Variants in HS1BP3 observed in about 807,000 individuals in gnomAD.
HS1BP3 encodes the protein HCLS1 binding protein 3, also known as HCLS1-binding protein 3.
HS1BP3 carries 32 observed loss-of-function variants against 33.5 expected under a neutral mutation model. That is an observed-to-expected ratio of 0.95 (90% CI 0.72 to 1.28). HS1BP3 has a LOEUF of 1.28. Ranked by LOEUF, HS1BP3 falls within the 50% of genes most tolerant of loss-of-function variation. HS1BP3 has a pLI of 0.00. For synonymous variants in HS1BP3, 187 were observed against 209.2 expected, an observed-to-expected ratio of 0.89 and a Z score of 0.92; for missense variants, 486 against 502.3, an observed-to-expected ratio of 0.97 and a Z score of 0.31.
At chr2:20,554,875 C>T in the HS1BP3 span, among the ~76,000 whole-genome samples, 4 of 152,146 alleles carry the variant, frequency 2.6e-5, no homozygotes, top group Non-Finnish European at 5.9e-5. Flanking sequence ...CATCCACCCC[C>T]TACTTAAAAC....
At chr2:20,609,826 G>C (rs1187937348) in intron 2 of HS1BP3, among the ~76,000 whole-genome samples, 10 of 152,250 alleles carry the variant, frequency 6.6e-5, no homozygotes, top group Admixed American at 1.3e-4. Flanking sequence ...TTCCCTCAGA[G>C]GGTGCCCCCA....
At chr2:20,598,769 G>A (rs1362954093) in intron 2 of HS1BP3, among the ~76,000 whole-genome samples, 3 of 151,610 alleles carry the variant, frequency 2.0e-5, no homozygotes, top group Non-Finnish European at 4.4e-5. Flanking sequence ...TGTTTTAGCC[G>A]GGATGGTCTC....
Position 20,605,004 on chromosome 2 carries a change from C to T in HS1BP3, c.179-6739G>A, listed in dbSNP as rs77879083. Among the ~76,000 whole-genome samples the T allele has an allele frequency of 6.8e-3, 1,032 of 152,314 alleles. 5 individuals carry two copies. Among genetic ancestry groups the T allele is most frequent in the African/African-American group, 0.022 (931 of 41,558 alleles). On this transcript the variant is annotated intron_variant, in intron 2 of 3. Transcript: ENST00000415264. ...AAGGAAAAAGAATCATGGATGTTCCCAGTTCCAGCCTTGAGTCTCTCTCTC... is the reference window on the plus strand; with the variant it reads ...AAGGAAAAAGAATCATGGATGTTCCTAGTTCCAGCCTTGAGTCTCTCTCTC...
At chr2:20,591,556 G>T (rs1572313659), downstream of HS1BP3, among the ~76,000 whole-genome samples, 1 of 152,166 alleles carries the variant, frequency 6.6e-6, no homozygotes, top group South Asian at 2.1e-4. Context: ...TCCCTTTGGA[G>T]TTCTGGTCGA....
intron 1 of HS1BP3, among the ~76,000 whole-genome samples, chr2:20,647,324 T>C (rs1695548946): frequency 6.6e-6 from 1 of 152,212 alleles, no homozygotes; most frequent in Non-Finnish European, 1.5e-5. Flanking sequence ...TGAGCTGGCC[T>C]GGTCAAAGCC....
chr2:20,570,062 C>T (rs888841733), intron 5 of HS1BP3, among the ~76,000 whole-genome samples: 5 of 152,150 alleles, frequency 3.3e-5, no homozygotes. Flanking sequence ...CACCTGGCTC[C>T]CACCTGAATC....
chr2:20,619,257 C>T lies in HS1BP3; in HGVS notation c.921-12G>A, dbSNP rs1572338080. 6.3e-7 allele frequency: 1 copy of T among 1,583,262 alleles called. No individual in the cohort carries two copies. ...AGTCCTCTTCAACTCTAGGGAACCACAGGGAGGAACCCTGAGCATAACACT... is the reference window on the plus strand; with the variant it reads ...AGTCCTCTTCAACTCTAGGGAACCATAGGGAGGAACCCTGAGCATAACACT... On this transcript the variant is annotated splice_polypyrimidine_tract_variant and intron_variant, in intron 6 of 6. Transcript: ENST00000304031.
At chr2:20,598,236 G>T (rs1693987694) in exon 3 of HS1BP3, 3 of 422,760 alleles carry the variant, frequency 7.1e-6, no homozygotes, top group Admixed American at 2.5e-5. Flanking sequence ...GGAGCCCTGA[G>T]CTTGTTTGCC....
chr2:20,589,274 A>C (rs2149278393), downstream of HS1BP3, among the ~76,000 whole-genome samples: 1 of 152,166 alleles, frequency 6.6e-6, no homozygotes, highest in South Asian at 2.1e-4. Flanking sequence ...ACACATCCTC[A>C]TCTGAGCACC....
chr2:20,622,215 G>A (rs1324073387), intron 6 of HS1BP3: 4 of 1,296,488 alleles, frequency 3.1e-6, no homozygotes, highest in Non-Finnish European at 4.1e-6. Context: ...TTATTATGAG[G>A]AAGTCCAACT....
chr2:20,588,124 T>TA (rs140336617), downstream of HS1BP3, among the ~76,000 whole-genome samples: 150 of 138,816 alleles, frequency 1.1e-3, 2 homozygotes, highest in East Asian at 3.1e-3. Flanking sequence ...TCCAAGATGT[T>TA]AAAAAAAAAA....
At chr2:20,620,663 G>C (rs190158070) in intron 6 of HS1BP3, among the ~76,000 whole-genome samples, 486 of 152,296 alleles carry the variant, frequency 3.2e-3, no homozygotes, top group Non-Finnish European at 5.5e-3. Flanking sequence ...CCTCCTCCCT[G>C]GTCCTCAGTC....
chr2:20,638,268 A>C, intron 4 of HS1BP3, 168 bp downstream of exon 4: 3 of 639,492 alleles, frequency 4.7e-6, no homozygotes, highest in Non-Finnish European at 8.2e-6. Context: ...AAGGGCACGC[A>C]GAGAGCTACT....
intron 3 of HS1BP3, chr2:20,640,509 T>C: frequency 2.7e-6 from 1 of 375,978 alleles, no homozygotes. Context: ...ACCCTCTCTG[T>C]GGGGGCACAG....
intron 2 of HS1BP3, among the ~76,000 whole-genome samples, chr2:20,604,767 C>T (rs1204091126): frequency 1.3e-5 from 2 of 152,132 alleles, no homozygotes; most frequent in Non-Finnish European, 2.9e-5. Flanking sequence ...AGAAGCCAAG[C>T]AGGTCGCAGA....
chr2:20,555,360 T>C, the HS1BP3 span, among the ~76,000 whole-genome samples: 1 of 152,344 alleles, frequency 6.6e-6, no homozygotes, highest in South Asian at 2.1e-4. Flanking sequence ...AGAAGGAAAC[T>C]GTGGGGTCCT....
At chr2:20,619,271 G>A in intron 6 of HS1BP3, 26 bp from the exon 7 acceptor site, 1 of 1,550,310 alleles carries the variant, frequency 6.5e-7, no homozygotes, top group East Asian at 2.3e-5. Flanking sequence ...GAGGAACCCT[G>A]AGCATAACAC....
rs138753556 is a variant in HS1BP3 at position 20,641,114 on chromosome 2, T to C, written c.265A>G (p.Ser89Gly). 6.2e-7 allele frequency: 1 copy of C among 1,613,462 alleles called. No homozygotes were observed. Among genetic ancestry groups the C allele is most frequent in the Non-Finnish European group, 8.5e-7 (1 of 1,180,016 alleles). Residue 89 changes from serine (S) to glycine (G), a missense_variant, in exon 3 of 7, where the codon AGC becomes GGC. Coordinates refer to ENST00000304031, the MANE Select transcript of HS1BP3 (RefSeq NM_022460.4). ...QKLSSRYAAASLPPLPRKVLF... is the reference protein window; with the variant it reads ...QKLSSRYAAAGLPPLPRKVLF... ...ACCTTCCTGGGTAGTGGGGGGAGGCTGGCTGCTGCATAACGACTGCTCAGT... is the reference window on the plus strand; with the variant it reads ...ACCTTCCTGGGTAGTGGGGGGAGGCCGGCTGCTGCATAACGACTGCTCAGT...
intron 5 of HS1BP3, among the ~76,000 whole-genome samples, chr2:20,565,245 T>C (rs1191326695): frequency 6.6e-6 from 1 of 152,142 alleles, no homozygotes; most frequent in Non-Finnish European, 1.5e-5. Context: ...GGTGAGGCCA[T>C]ACCCAGGGTG....
Sources: allele counts gnomAD v4.1 joint callset (sites outside exome capture counted in the v4.1 genomes callset), GRCh38; gene constraint gnomAD v4.1.1; transcripts MANE v1.5; gene names NCBI Gene and HGNC (gene_info 2026-07-23, HGNC 2026-07-21).